The following ITGBL1 variants were observed in gnomAD, a reference collection of about 807,000 sequenced individuals.
ITGBL1 encodes integrin subunit beta like 1, also known as integrin beta-like protein 1.
A neutral mutation model predicts 68.5 loss-of-function variants in ITGBL1; 51 were observed. The observed-to-expected ratio is 0.74, with a 90% CI of 0.59 to 0.94. The LOEUF is 0.94. ITGBL1 is among the 40% of genes least tolerant of loss of function. The pLI, the probability that ITGBL1 is intolerant of heterozygous loss-of-function variation, is 0.00. For synonymous variants in ITGBL1, 209 were observed against 227.3 expected (o/e 0.92, Z 0.72); for missense variants, 649 against 647.4 (o/e 1.00, Z -0.03).
At chr13:101,585,648 T>G (rs1444314045) in intron 6 of ITGBL1, among the ~76,000 whole-genome samples, 1 of 152,078 alleles carries the variant, frequency 6.6e-6, no homozygotes, top group African/African-American at 2.4e-5. Context: ...GCCAGGATGG[T>G]CTCAATCTCC....
At chr13:101,651,436 T>C (rs941980210) in intron 7 of ITGBL1, among the ~76,000 whole-genome samples, 1 of 152,238 alleles carries the variant, frequency 6.6e-6, no homozygotes, top group Non-Finnish European at 1.5e-5. Flanking sequence ...GTTGACCTTT[T>C]TTCGTATATT....
At chr13:101,671,057 A>T (rs1287965812) in intron 7 of ITGBL1, among the ~76,000 whole-genome samples, 1 of 152,210 alleles carries the variant, frequency 6.6e-6, no homozygotes, top group Non-Finnish European at 1.5e-5. Flanking sequence ...AACCATAGTT[A>T]TTCTAAATCT....
chr13:101,603,372 G>A (rs562539965), intron 7 of ITGBL1, among the ~76,000 whole-genome samples: 6 of 152,044 alleles, frequency 3.9e-5, no homozygotes, highest in African/African-American at 1.4e-4. Context: ...GAAGAGTGGA[G>A]GAGTAGGATA....
At chr13:101,607,459 A>G (rs1322122518) in intron 7 of ITGBL1, among the ~76,000 whole-genome samples, 1 of 152,060 alleles carries the variant, frequency 6.6e-6, no homozygotes, top group African/African-American at 2.4e-5. Context: ...TCCATTATAT[A>G]GTTGTAGCAA....
chr13:101,535,319 C>T (rs1169325615), intron 2 of ITGBL1, among the ~76,000 whole-genome samples: 1 of 151,988 alleles, frequency 6.6e-6, no homozygotes, highest in Non-Finnish European at 1.5e-5. Flanking sequence ...CAGACATTAC[C>T]TTTTGATGAG....
chr13:101,557,866 G>A (rs546424373), intron 2 of ITGBL1, among the ~76,000 whole-genome samples: 5 of 151,944 alleles, frequency 3.3e-5, no homozygotes, highest in East Asian at 1.9e-4. Flanking sequence ...CGAGGTGGGC[G>A]GATCATGAGG....
chr13:101,713,356 A>G (rs1033430736), intron 9 of ITGBL1: 1 of 152,176 alleles, frequency 6.6e-6, no homozygotes, highest in African/African-American at 2.4e-5. Context: ...CCTTTTCAAT[A>G]TATTTTGAAC....
At chr13:101,650,521 G>T (rs984624428) in intron 7 of ITGBL1, among the ~76,000 whole-genome samples, 1 of 151,754 alleles carries the variant, frequency 6.6e-6, no homozygotes, top group African/African-American at 2.4e-5. Flanking sequence ...AAAATAAAAA[G>T]TAAGTATCAC....
intron 2 of ITGBL1, among the ~76,000 whole-genome samples, chr13:101,549,203 A>G (rs2049878607): frequency 1.3e-5 from 2 of 151,964 alleles, no homozygotes; most frequent in African/African-American, 4.8e-5. Flanking sequence ...CCATATGGAA[A>G]AAATAAATAT....
intron 2 of ITGBL1, among the ~76,000 whole-genome samples, chr13:101,458,103 A>AGG (rs2048268929): frequency 6.6e-6 from 1 of 152,198 alleles, no homozygotes; most frequent in Non-Finnish European, 1.5e-5. Flanking sequence ...TGTAAAGATG[A>AGG]GGGATAGAAG....
rs572017205 is a variant in ITGBL1, at chr13:101,530,677, A to G, written c.317-37022A>G. ...ATATTTTATCTAAATTTGTTTGAAT[A>G]TGTTTGGTAATTTACATATGTAGCC... On this transcript the variant is annotated intron_variant, in intron 2 of 10. Coordinates refer to ENST00000376180, the MANE Select transcript of ITGBL1 (RefSeq NM_004791.3). Among the ~76,000 whole-genome samples the G allele has an allele frequency of 2.8e-3, 429 of 152,342 alleles. 4 individuals are homozygous for G. Among genetic ancestry groups the G allele is most frequent in the African/African-American group, 9.9e-3 (410 of 41,584 alleles).
At chr13:101,531,081 G>A (rs1454058776) in intron 2 of ITGBL1, among the ~76,000 whole-genome samples, 1 of 151,924 alleles carries the variant, frequency 6.6e-6, no homozygotes, top group African/African-American at 2.4e-5. Context: ...GAGGCATACA[G>A]GATAAACTTT....
At chr13:101,720,291 C>A (rs1406139924), downstream of ITGBL1, 1 of 152,032 alleles carries the variant, frequency 6.6e-6, no homozygotes, top group Non-Finnish European at 1.5e-5. Context: ...ATAACAAGGA[C>A]CCCTCTGCAA....
At chr13:101,613,771 C>T (rs143376364) in intron 7 of ITGBL1, among the ~76,000 whole-genome samples, 1 of 152,136 alleles carries the variant, frequency 6.6e-6, no homozygotes, top group African/African-American at 2.4e-5. Context: ...AGTTCCCACC[C>T]GACTTGATTT....
intron 2 of ITGBL1, among the ~76,000 whole-genome samples, chr13:101,529,203 G>A (rs2139154903): frequency 6.6e-6 from 1 of 151,770 alleles, no homozygotes; most frequent in South Asian, 2.1e-4. Flanking sequence ...TAATTTGAGA[G>A]AGAAATTGAA....
chr13:101,483,882 A>G (rs917469580), intron 2 of ITGBL1, among the ~76,000 whole-genome samples: 1 of 152,222 alleles, frequency 6.6e-6, no homozygotes, highest in African/African-American at 2.4e-5. Flanking sequence ...AGTATCAATT[A>G]GCTTTTTAAA....
In ITGBL1 at chr13:101,598,156, A is replaced by G. The variant is rs1306105078; in HGVS notation, c.872A>G (p.His291Arg). The G allele has an allele frequency of 8.7e-6, 14 of 1,611,994 alleles. No individual in the cohort carries two copies. Among genetic ancestry groups the G allele is most frequent in the Non-Finnish European group, 1.2e-5 (14 of 1,179,286 alleles). ...DRYSDDFCSG[H>R]GQCNCGRCDC... ...TTTTGCCACTCTCACTGTGAAGGTC[A>G]TGGACAGTGTAATTGCGGAAGATGT... The change falls in exon 7 of 11, where the codon CAT (histidine) becomes CGT (arginine). Residue 291 changes from histidine (H) to arginine (R), a missense_variant. Coordinates refer to ENST00000376180, the MANE Select transcript of ITGBL1 (RefSeq NM_004791.3).
intron 7 of ITGBL1, among the ~76,000 whole-genome samples, chr13:101,632,361 T>G (rs1185770488): frequency 6.6e-6 from 1 of 152,188 alleles, no homozygotes; most frequent in African/African-American, 2.4e-5. Flanking sequence ...GAGTTATCCC[T>G]GCACAACCAC....
chr13:101,601,741 T>C (rs964124178), intron 7 of ITGBL1, among the ~76,000 whole-genome samples: 6 of 152,066 alleles, frequency 3.9e-5, no homozygotes, highest in Admixed American at 1.3e-4. Flanking sequence ...TGTAGTTGAG[T>C]GGTTTTGAGT....
Sources: gnomAD v4.1 joint callset for allele counts (sites outside exome capture counted in the v4.1 genomes callset) on GRCh38, gnomAD v4.1.1 for gene constraint, MANE v1.5 for transcripts, NCBI Gene and HGNC (gene_info 2026-07-23, HGNC 2026-07-21) for gene names.